The following VPS9D1 variants were observed in gnomAD, a reference collection of about 807,000 sequenced individuals.
VPS9D1 encodes VPS9 domain containing 1.
In VPS9D1, 78 loss-of-function variants were observed where a neutral mutation model predicts 75.8. That is an observed-to-expected ratio of 1.03 (90% CI 0.86 to 1.24). The LOEUF is 1.24. Among genes scored for constraint, VPS9D1 ranks in the 50% most tolerant of loss-of-function variants. The probability of loss-of-function intolerance (pLI) is 0.00; values close to 1 mark genes in which losing one functional copy is unlikely to be tolerated. For synonymous variants in VPS9D1, 481 were observed against 385.6 expected, an observed-to-expected ratio of 1.25 and a Z score of -2.90; for missense variants, 1,057 against 847.7, an observed-to-expected ratio of 1.25 and a Z score of -3.07.
intron 12 of VPS9D1, 73 bp from the exon 13 acceptor site, chr16:89,709,029 A>G (rs76084865): frequency 0.015 from 1,757 of 120,070 alleles, 13 homozygotes; most frequent in Non-Finnish European, 0.024. Flanking sequence ...TACCCCGCCC[A>G]CCCACCCACC....
intron 4 of VPS9D1, among the ~76,000 whole-genome samples, chr16:89,715,493 TG>T (rs2061042068): frequency 6.6e-6 from 1 of 152,046 alleles, no homozygotes; most frequent in African/African-American, 2.4e-5. Flanking sequence ...CCCAAAGTGC[TG>T]GGATTACAGG....
Position 89,710,605 on chromosome 16 carries a change from C to A in VPS9D1, c.1239G>T (p.Glu413Asp), listed in dbSNP as rs760011885. Residue 413 changes from glutamate (E) to aspartate (D), a missense_variant, in exon 10 of 15, where the codon GAG becomes GAT. Coordinates refer to ENST00000389386, the MANE Select transcript of VPS9D1 (RefSeq NM_004913.3). Reference sequence around the variant, plus strand: ...CCTCACCTACGGCATTGTGGATCTCCTCCACCGCGGTCTTCAGCTGCTGCA... The same window carrying A: ...CCTCACCTACGGCATTGTGGATCTCATCCACCGCGGTCTTCAGCTGCTGCA... ...PQLQQLKTAVEEIHNAVDRLL... is the reference protein window; with the variant it reads ...PQLQQLKTAVDEIHNAVDRLL... The A allele has an allele frequency of 6.2e-7, 1 of 1,604,162 alleles. No individual in the cohort carries two copies. Among genetic ancestry groups the A allele is most frequent in the Admixed American group, 1.7e-5 (1 of 59,786 alleles).
At chr16:89,717,878 C>T in intron 2 of VPS9D1, 1 of 451,622 alleles carries the variant, frequency 2.2e-6, no homozygotes, top group Non-Finnish European at 4.5e-6. Flanking sequence ...CTCTGTGATC[C>T]CACGTCCAGG....
Position 89,711,405 on chromosome 16 carries a change from G to A in VPS9D1, c.755C>T (p.Pro252Leu). The change falls in exon 9 of 15, where the codon CCG becomes CTG. Residue 252 changes from proline to leucine, a missense_variant. Pro to Leu is a moderately conservative substitution (Grantham distance 98). Transcript: ENST00000389386. ...CTTGAGCTTGGCCTTCCAGTGCTTC[G>A]GCCAGTCCTACGGGACAGGGGGCCT... ...ILEYEQDHDW[P>L]KHWKAKLKRN... 1.9e-6 allele frequency: 3 copies of A among 1,607,236 alleles called. No individual in the cohort carries two copies. Among genetic ancestry groups the A allele is most frequent in the South Asian group, 2.2e-5 (2 of 89,660 alleles).
chr16:89,708,280 T>TGG, intron 14 of VPS9D1, 147 bp downstream of exon 14: 2 of 770,462 alleles, frequency 2.6e-6, no homozygotes, highest in Non-Finnish European at 4.2e-6. Context: ...TCTGCACAGG[T>TGG]GGACCCACAG....
chr16:89,711,701 C>A (rs2060928107), intron 8 of VPS9D1, 181 bp downstream of exon 8: 3 of 803,442 alleles, frequency 3.7e-6, no homozygotes, highest in South Asian at 3.7e-5. Context: ...TCGCTCTGCC[C>A]CGCCCCACGC....
chr16:89,711,813 C>T, intron 8 of VPS9D1, 69 bp downstream of exon 8: 1 of 1,508,822 alleles, frequency 6.6e-7, no homozygotes, highest in Non-Finnish European at 8.9e-7. Context: ...GGGGGCCCAC[C>T]CAGGCGGCTC....
Position 89,709,780 on chromosome 16 carries a change from T to G in VPS9D1, c.1385A>C (p.Tyr462Ser), listed in dbSNP as rs757829993. The change falls in exon 11 of 15, where the codon TAC (tyrosine) becomes TCC (serine). Residue 462 changes from tyrosine to serine, a missense_variant. Tyr to Ser is a moderately radical substitution (Grantham distance 144, BLOSUM62 -2). Transcript: ENST00000389386. ...GGTTGTACAGCTGGGTCCATACCTG[T>G]ACAGGGCCAGCAGCAGAGGCCACAG... ...SPLWPLLLAL[Y>S]RSVHRAREAA... 1 of 1,613,576 alleles carries G rather than the reference T, an allele frequency of 6.2e-7. No individual in the cohort carries two copies. The highest frequency in any genetic ancestry group is 8.5e-7 in the Non-Finnish European group (1 of 1,179,918).
chr16:89,714,539 C>T (rs116850253), intron 4 of VPS9D1, among the ~76,000 whole-genome samples: 2,411 of 152,306 alleles, frequency 0.016, 24 homozygotes, highest in Non-Finnish European at 0.027. Context: ...GCCTGGCCAC[C>T]CTGCCCTGAA....
intron 1 of VPS9D1, chr16:89,720,432 A>T: frequency 9.6e-7 from 1 of 1,041,772 alleles, no homozygotes; most frequent in Non-Finnish European, 1.2e-6. Flanking sequence ...AAAATGCACG[A>T]ACGCACGGAC....
At chr16:89,708,392 C>G in intron 14 of VPS9D1, 35 bp downstream of exon 14, 1 of 1,573,820 alleles carries the variant, frequency 6.4e-7, no homozygotes, top group Non-Finnish European at 8.7e-7. Context: ...CTGCTCTTCG[C>G]ACAGAGACCC....
intron 1 of VPS9D1, among the ~76,000 whole-genome samples, chr16:89,720,125 G>A (rs2061210784): frequency 6.6e-6 from 1 of 152,144 alleles, no homozygotes; most frequent in African/African-American, 2.4e-5. Context: ...TCTGACTTGC[G>A]GGGGCACCTG....
rs371257962 is a variant in VPS9D1 at position 89,709,215 on chromosome 16, G to C, written c.1597+12C>G. On this transcript the variant is annotated intron_variant, in intron 12 of 14. Coordinates refer to ENST00000389386, the MANE Select transcript of VPS9D1 (RefSeq NM_004913.3). ...GAGCCTGTCCCTCCCCCTGACTCTCGAACCTGCTGACCTATGCACTCCAGC... is the reference window on the plus strand; with the variant it reads ...GAGCCTGTCCCTCCCCCTGACTCTCCAACCTGCTGACCTATGCACTCCAGC... 1.9e-6 allele frequency: 3 copies of C among 1,611,850 alleles called. No homozygotes were observed. The highest frequency in any genetic ancestry group is 2.7e-5 in the African/African-American group (2 of 74,992).
chr16:89,716,125 G>C (rs1265007292), intron 4 of VPS9D1, among the ~76,000 whole-genome samples: 2 of 152,026 alleles, frequency 1.3e-5, no homozygotes, highest in African/African-American at 2.4e-5. Flanking sequence ...CCAGCACTGT[G>C]GGAGGCCGAG....
rs776454787 is a variant in VPS9D1 at position 89,711,341 on chromosome 16, G to A, written c.819C>T (p.Val273=). 1 of 1,610,226 alleles carries A rather than the reference G, an allele frequency of 6.2e-7. No individual in the cohort carries two copies. Among genetic ancestry groups the A allele is most frequent in the Non-Finnish European group, 8.5e-7 (1 of 1,178,416 alleles). ...PGDLSLVTSL[V]SHLLSLPDHP... ...GGCCCAGCTACCTGAGCAGGTGTGA[G>A]ACCAGGCTGGTCACGAGTGACAGGT... Residue 273 remains valine, a synonymous_variant, in exon 9 of 15, where the codon GTC becomes GTT. Transcript: ENST00000389386.
chr16:89,711,768 C>T (rs1272808848), intron 8 of VPS9D1, 114 bp downstream of exon 8: 20 of 1,274,002 alleles, frequency 1.6e-5, no homozygotes, highest in Non-Finnish European at 2.1e-5. Flanking sequence ...CCCGCCCCCT[C>T]ACTGCCCCCC....
chr16:89,717,825 T>C (rs1287518290), intron 2 of VPS9D1: 1 of 456,288 alleles, frequency 2.2e-6, no homozygotes, highest in African/African-American at 2.0e-5. Context: ...AACTGTTAGC[T>C]CCCCCTGACC....
Position 89,708,845 on chromosome 16 carries a change from C to T in VPS9D1, c.1697+12G>A. 6.3e-7 allele frequency: 1 copy of T among 1,574,902 alleles called. No homozygotes were observed. Among genetic ancestry groups the T allele is most frequent in the Non-Finnish European group, 8.6e-7 (1 of 1,168,148 alleles). On this transcript the variant is annotated intron_variant, in intron 13 of 14. Coordinates refer to ENST00000389386, the MANE Select transcript of VPS9D1 (RefSeq NM_004913.3). ...TTCCTCCCTGGCCACACCTCGCCCT[C>T]CTGGGACTCACATGGCAGCTGCAGC... is the stretch of plus-strand genomic sequence containing the variant.
intron 8 of VPS9D1, 194 bp downstream of exon 8, chr16:89,711,688 T>G (rs1370704256): frequency 1.4e-6 from 1 of 728,704 alleles, no homozygotes; most frequent in Non-Finnish European, 2.2e-6. Context: ...TGACCTCGCC[T>G]CCTCGCTCTG....
Sources: allele counts gnomAD v4.1 joint callset (sites outside exome capture counted in the v4.1 genomes callset), GRCh38; gene constraint gnomAD v4.1.1; transcripts MANE v1.5; gene names NCBI Gene and HGNC (gene_info 2026-07-23, HGNC 2026-07-21).